ADCY5: variants seen among roughly 807,000 people sequenced by gnomAD.
ADCY5 encodes adenylate cyclase type 5.
A neutral mutation model predicts 119.7 loss-of-function variants in ADCY5; 30 were observed. The observed-to-expected ratio is 0.25, with a 90% confidence interval of 0.19 to 0.34. The LOEUF (loss-of-function observed/expected upper bound fraction) is 0.34, where lower values mean the gene tolerates loss of function less well. Ranked by LOEUF, ADCY5 falls within the 10% of genes least tolerant of loss-of-function variation. The pLI, the probability that ADCY5 is intolerant of heterozygous loss-of-function variation, is 1.00. For synonymous variants in ADCY5, 753 were observed against 762.2 expected (o/e 0.99, Z 0.20); for missense variants, 1,324 against 1,775.2 (o/e 0.75, Z 4.57).
chr3:123,420,834 T>G (rs1012962671), intron 1 of ADCY5, among the ~76,000 whole-genome samples: 5 of 152,190 alleles, frequency 3.3e-5, no homozygotes, highest in Admixed American at 6.5e-5. Context: ...ATCAAAACGT[T>G]GGCAGAGTTG....
intron 1 of ADCY5, among the ~76,000 whole-genome samples, chr3:123,401,311 GC>G (rs1944745673): frequency 6.6e-6 from 1 of 152,200 alleles, no homozygotes; most frequent in African/African-American, 2.4e-5. Flanking sequence ...AGCTCTGGGG[GC>G]TCAGGGAAAT....
intron 17 of ADCY5, among the ~76,000 whole-genome samples, chr3:123,293,379 GTTTC>G (rs1472846039): frequency 1.3e-5 from 2 of 152,214 alleles, no homozygotes; most frequent in Non-Finnish European, 2.9e-5. Context: ...GCTTTCTGGT[GTTTC>G]TTTATTGGTA....
At chr3:123,332,394 G>A (rs1243728928) in intron 4 of ADCY5, among the ~76,000 whole-genome samples, 170 bp downstream of exon 4, 1 of 152,382 alleles carries the variant, frequency 6.6e-6, no homozygotes, top group South Asian at 2.1e-4. Flanking sequence ...CAGGGCGTGA[G>A]GACACAGCCG....
chr3:123,296,080 C>T lies in ADCY5; in HGVS notation c.3063+4G>A, dbSNP rs1433895630. The T allele has an allele frequency of 4.3e-6, 7 of 1,613,762 alleles. No individual in the cohort carries two copies. In the South Asian group the frequency reaches 7.7e-5, roughly 18 times the overall value. On this transcript the variant is annotated splice_donor_region_variant and intron_variant, in intron 17 of 20. Coordinates refer to ENST00000462833, the MANE Select transcript of ADCY5 (RefSeq NM_183357.3). The stretch of plus-strand genomic sequence containing the variant: ...TCCCCAGGTCCAGCCCCAGGGCCAC[C>T]CACCTGCAGTTTCCAGAGGAAGTCG...
At position 123,332,521 on chromosome 3, in the gene ADCY5, G is replaced by A. The variant is rs202062402; in HGVS notation, c.1518+43C>T. On this transcript the variant is annotated intron_variant, in intron 4 of 20. Coordinates refer to ENST00000462833, the MANE Select transcript of ADCY5 (RefSeq NM_183357.3). ...TCGACCACAGCAGCCTCCCTCAACAGCCCAGGTCAGGCCACCCCAACCCCC... is the reference window on the plus strand; with the variant it reads ...TCGACCACAGCAGCCTCCCTCAACAACCCAGGTCAGGCCACCCCAACCCCC... 2.4e-5 allele frequency: 35 copies of A among 1,461,870 alleles called. 1 individual carries two copies. The African/African-American group carries it at 4.3e-4, about 18-fold the overall frequency. 90.6% of individuals were successfully genotyped at this position (1,461,870 alleles called of 1,614,324 possible).
intron 14 of ADCY5, among the ~76,000 whole-genome samples, chr3:123,300,530 C>T (rs1452339689): frequency 2.0e-5 from 3 of 152,218 alleles, no homozygotes; most frequent in Non-Finnish European, 4.4e-5. Context: ...GTTACAGCTG[C>T]GCTGCAGGCC....
intron 1 of ADCY5, among the ~76,000 whole-genome samples, chr3:123,395,643 T>G (rs1243489142): frequency 1.3e-5 from 2 of 151,004 alleles, no homozygotes; most frequent in Non-Finnish European, 2.9e-5. Context: ...TTTGGGAGGG[T>G]GAGGTGGGAG....
At chr3:123,327,802 A>T in intron 6 of ADCY5, 43 bp from the exon 7 acceptor site, 2 of 1,607,920 alleles carry the variant, frequency 1.2e-6, no homozygotes, top group African/African-American at 1.3e-5. Context: ...CAGAAAACTC[A>T]AAGTCATAAT....
rs546202573 is a variant in ADCY5 at position 123,331,933 on chromosome 3, G to A, written c.1518+631C>T. On this transcript the variant is annotated intron_variant, in intron 4 of 20. Transcript: ENST00000462833. Reference sequence around the variant, plus strand: ...CCTGGCGTCCTGTGTGGGCCAAGGGGAATGTGTCCACCCGTCAGTGGCCAC... The same window carrying A: ...CCTGGCGTCCTGTGTGGGCCAAGGGAAATGTGTCCACCCGTCAGTGGCCAC... Among the ~76,000 whole-genome samples the A allele has an allele frequency of 1.6e-4, 25 of 152,304 alleles. No homozygotes were observed. The South Asian group carries it at 5.0e-3, about 30-fold the overall frequency.
rs1359015006 is a variant in ADCY5, at chr3:123,416,186, T to TC, written c.1134+31225dup. The TC allele has an allele frequency of 8.5e-6, 13 of 1,535,936 alleles. No individual in the cohort carries two copies. In the African/African-American group the frequency reaches 1.8e-4, roughly 21 times the overall value. ...CCTGAGGTGGCCATGACACTCACCCTCCGTGGGGCCCATTCTCCTCCAGGA... is the reference window on the plus strand; with the variant it reads ...CCTGAGGTGGCCATGACACTCACCCTCCCGTGGGGCCCATTCTCCTCCAGGA... On this transcript the variant is annotated intron_variant, in intron 1 of 20. Transcript: ENST00000462833.
At chr3:123,328,826 C>G in intron 5 of ADCY5, 24 bp from the exon 6 acceptor site, 1 of 1,610,702 alleles carries the variant, frequency 6.2e-7, no homozygotes, top group Non-Finnish European at 8.5e-7. Context: ...AGGAGTAAAG[C>G]TGGGAGAAGG....
intron 1 of ADCY5, among the ~76,000 whole-genome samples, chr3:123,373,915 G>A (rs1943732492): frequency 6.6e-6 from 1 of 152,132 alleles, no homozygotes; most frequent in Admixed American, 6.6e-5. Context: ...TCAGGATAGG[G>A]CTTCCGCATA....
At chr3:123,424,822 G>A (rs1945371742) in intron 1 of ADCY5, among the ~76,000 whole-genome samples, 7 of 152,236 alleles carry the variant, frequency 4.6e-5, no homozygotes, top group Admixed American at 2.6e-4. Flanking sequence ...CTGTCCTGGG[G>A]AGCAATAATA....
At chr3:123,443,196 T>C (rs544444921) in intron 1 of ADCY5, among the ~76,000 whole-genome samples, 1 of 151,760 alleles carries the variant, frequency 6.6e-6, no homozygotes, top group Non-Finnish European at 1.5e-5. Context: ...GCTGAGCAGG[T>C]AGGTAGCAGG....
chr3:123,388,558 G>A (rs2107579254), intron 1 of ADCY5, among the ~76,000 whole-genome samples: 1 of 138,018 alleles, frequency 7.2e-6, no homozygotes, highest in South Asian at 2.3e-4. Context: ...GGGCCAGAGG[G>A]ACAGATATGG....
At position 123,352,894 on chromosome 3, in the gene ADCY5, T is replaced by C. The variant is rs1942890696; in HGVS notation, c.1135-313A>G. On this transcript the variant is annotated intron_variant, in intron 1 of 20. Transcript: ENST00000462833. The surrounding 1 kb of genome is among the most constrained non-coding windows in gnomAD (Gnocchi z 4.8). The stretch of plus-strand genomic sequence containing the variant: ...GGCTACATGTACTGTGACAGAGCTG[T>C]GTGTGTGCTCGGGGCAGGAGGGCCA... Among the ~76,000 whole-genome samples the C allele has an allele frequency of 6.6e-6, 1 of 152,148 alleles. No individual in the cohort carries two copies. Among genetic ancestry groups the C allele is most frequent in the Admixed American group, 6.5e-5 (1 of 15,286 alleles).
intron 13 of ADCY5, among the ~76,000 whole-genome samples, chr3:123,303,571 A>G (rs1317893859): frequency 6.6e-6 from 1 of 152,108 alleles, no homozygotes; most frequent in Non-Finnish European, 1.5e-5. Context: ...CAGTACTTTG[A>G]GAGGCCGAGG....
At chr3:123,339,503 T>G (rs1942178226) in intron 3 of ADCY5, among the ~76,000 whole-genome samples, 1 of 152,180 alleles carries the variant, frequency 6.6e-6, no homozygotes, top group South Asian at 2.1e-4. Flanking sequence ...GAAAGGCCTA[T>G]GGGAGCCTGC....
At chr3:123,427,134 C>T (rs1260408726) in intron 1 of ADCY5, among the ~76,000 whole-genome samples, 1 of 152,146 alleles carries the variant, frequency 6.6e-6, no homozygotes, top group South Asian at 2.1e-4. Context: ...CTCCCTGTGT[C>T]CCTAGCCCTC....
Sources: gnomAD v4.1 joint callset for allele counts (sites outside exome capture counted in the v4.1 genomes callset) on GRCh38, gnomAD v4.1.1 for gene constraint, Gnocchi (gnomAD v3.1) non-coding constraint, MANE v1.5 for transcripts, NCBI Gene and HGNC (gene_info 2026-07-23, HGNC 2026-07-21) for gene names.